The following EPDR1 variants were observed in gnomAD, a reference collection of about 807,000 sequenced individuals.
EPDR1 encodes ependymin related 1.
In EPDR1, 27 loss-of-function variants were observed where a neutral mutation model predicts 23.7. That is an observed-to-expected ratio of 1.14 (90% CI 0.84 to 1.57). The LOEUF (loss-of-function observed/expected upper bound fraction) is 1.57. EPDR1 is among the 40% of genes most tolerant of loss of function. The probability of loss-of-function intolerance (pLI) is 0.00; values close to 1 mark genes in which losing one functional copy is unlikely to be tolerated. For missense variants in EPDR1, 349 were observed against 290.4 expected, an observed-to-expected ratio of 1.20 and a Z score of -1.47; for synonymous variants, 137 against 118.2, an observed-to-expected ratio of 1.16 and a Z score of -1.03.
At chr7:37,936,044 A>ATATATATATAT (rs1554374649) in intron 1 of EPDR1, among the ~76,000 whole-genome samples, 1 of 127,624 alleles carries the variant, frequency 7.8e-6, no homozygotes, top group African/African-American at 2.9e-5. Flanking sequence ...ATATATACAC[A>ATATATATATAT]AGGGAAATGT....
intron 1 of EPDR1, among the ~76,000 whole-genome samples, chr7:37,923,415 T>C (rs527988687): frequency 6.6e-6 from 1 of 152,228 alleles, no homozygotes; most frequent in South Asian, 2.1e-4. Flanking sequence ...GAGGCCCCCA[T>C]TTTTGGCTTG....
chr7:37,945,454 A>G (rs1031143621), intron 1 of EPDR1, among the ~76,000 whole-genome samples: 9 of 152,176 alleles, frequency 5.9e-5, no homozygotes, highest in East Asian at 1.9e-4. Flanking sequence ...TTATATTTCC[A>G]TACTACCTCA....
At chr7:37,926,507 T>C (rs1785817528) in intron 1 of EPDR1, among the ~76,000 whole-genome samples, 1 of 145,828 alleles carries the variant, frequency 6.9e-6, no homozygotes, top group Admixed American at 6.9e-5. Flanking sequence ...AAGATTTAAA[T>C]GCAAGCATTA....
intron 1 of EPDR1, among the ~76,000 whole-genome samples, chr7:37,936,031 T>TAC (rs1288896009): frequency 5.3e-5 from 5 of 95,088 alleles, no homozygotes. Flanking sequence ...TATATATATA[T>TAC]ATATATATAC....
At chr7:37,948,811 C>A (rs1786334497) in intron 1 of EPDR1, 29 bp from the exon 2 acceptor site, 1 of 1,594,170 alleles carries the variant, frequency 6.3e-7, no homozygotes, top group Non-Finnish European at 8.6e-7. Flanking sequence ...CATGAAGTCC[C>A]AAACTACTTC....
At chr7:37,926,605 G>A (rs575403866) in intron 1 of EPDR1, 13 of 440,392 alleles carry the variant, frequency 3.0e-5, no homozygotes, top group Non-Finnish European at 4.6e-5. Flanking sequence ...AAGATTGCAG[G>A]CCAGTTATTT....
At chr7:37,921,307 T>C (rs1785695020) in intron 1 of EPDR1, 99 bp downstream of exon 1, 2 of 1,448,548 alleles carry the variant, frequency 1.4e-6, no homozygotes, top group Admixed American at 2.7e-5. Context: ...TTCCGGCCCC[T>C]TGCAGCTCCT....
At position 37,950,351 on chromosome 7, in the gene EPDR1, C is replaced by A; in HGVS notation, c.630C>A (p.Cys210Ter). The change falls in exon 3 of 3, where the codon TGC becomes TGA. Residue 210 changes from cysteine (C) to a stop codon, truncating the protein, a stop_gained. Transcript: ENST00000199448. LOFTEE classifies it high-confidence loss of function. ...CGGTGTTTACCCCTCCAAGCACGTG[C>A]CAGATGGCCCAACTGGAGAAGATGA... ...DPSVFTPPSTCQMAQLEKMSE... is the reference protein window; with the variant it reads ...DPSVFTPPST 1.2e-6 allele frequency: 2 copies of A among 1,613,686 alleles called. No homozygotes were observed. The highest frequency in any genetic ancestry group is 1.1e-5 in the South Asian group (1 of 90,978).
intron 1 of EPDR1, among the ~76,000 whole-genome samples, chr7:37,942,788 A>G (rs912390339): frequency 2.0e-5 from 3 of 152,200 alleles, no homozygotes; most frequent in African/African-American, 7.2e-5. Context: ...TTACTAAAAA[A>G]AAACTATTTT....
chr7:37,948,371 G>A (rs542235783), intron 1 of EPDR1, among the ~76,000 whole-genome samples: 6 of 149,780 alleles, frequency 4.0e-5, no homozygotes, highest in Non-Finnish European at 8.9e-5. Context: ...GATGGTGGAC[G>A]GGATCTCACC....
At chr7:37,932,157 T>C (rs888969392) in intron 1 of EPDR1, among the ~76,000 whole-genome samples, 11 of 133,458 alleles carry the variant, frequency 8.2e-5, no homozygotes, top group African/African-American at 2.4e-4. Context: ...CATCACTTAA[T>C]ATGTTTTTTT....
At position 37,945,922 on chromosome 7, in the gene EPDR1, G is replaced by A. The variant is rs10085566; in HGVS notation, c.270-2918G>A. Among the ~76,000 whole-genome samples the A allele has an allele frequency of 6.2e-3, 945 of 152,090 alleles. 6 individuals are homozygous for A. Among genetic ancestry groups the A allele is most frequent in the African/African-American group, 0.02 (839 of 41,496 alleles). On this transcript the variant is annotated intron_variant, in intron 1 of 2. Coordinates refer to ENST00000199448, the MANE Select transcript of EPDR1 (RefSeq NM_017549.5). ...CCCCAGTGTGTGTTGCTTCCCCGAC[G>A]CGTCCATTTGTTCTCATCATTCAGC... is the stretch of plus-strand genomic sequence containing the variant.
At chr7:37,938,792 C>A (rs1356155072) in intron 1 of EPDR1, among the ~76,000 whole-genome samples, 1 of 152,162 alleles carries the variant, frequency 6.6e-6, no homozygotes, top group Non-Finnish European at 1.5e-5. Context: ...CTCTTCTCTG[C>A]AGCTGATTGG....
At chr7:37,924,548 G>T (rs149523161) in intron 1 of EPDR1, among the ~76,000 whole-genome samples, 146 of 152,254 alleles carry the variant, frequency 9.6e-4, no homozygotes, top group African/African-American at 3.5e-3. Flanking sequence ...TGGAGTCACA[G>T]CCAACTCTTG....
intron 1 of EPDR1, among the ~76,000 whole-genome samples, chr7:37,921,828 T>C (rs1467224808): frequency 2.6e-5 from 4 of 152,212 alleles, no homozygotes; most frequent in Non-Finnish European, 5.9e-5. Flanking sequence ...AGCCATACGT[T>C]ATCTGAATCT....
chr7:37,921,716 T>G (rs1342257019), intron 1 of EPDR1, among the ~76,000 whole-genome samples: 1 of 152,198 alleles, frequency 6.6e-6, no homozygotes, highest in African/African-American at 2.4e-5. Flanking sequence ...AAAAGAAAAT[T>G]TCACCCACAA....
In EPDR1 at chr7:37,920,937, G is replaced by C; in HGVS notation, c.-3G>C. ...GCCCTCGGGCCGGGGAAGGCTGACC[G>C]CGATGCCAGGACGCGCTCCCCTCCG... On this transcript the variant is annotated 5_prime_UTR_variant, in exon 1 of 3. Coordinates refer to ENST00000199448, the MANE Select transcript of EPDR1 (RefSeq NM_017549.5). The C allele has an allele frequency of 6.2e-7, 1 of 1,607,772 alleles. No homozygotes were observed. The highest frequency in any genetic ancestry group is 1.1e-5 in the South Asian group (1 of 90,388).
intron 1 of EPDR1, among the ~76,000 whole-genome samples, chr7:37,942,193 T>C (rs1053260118): frequency 4.1e-4 from 63 of 152,226 alleles, no homozygotes; most frequent in African/African-American, 1.4e-3. Flanking sequence ...TTTTTCACAA[T>C]AGCCAAAAGT....
Position 37,950,473 on chromosome 7 carries a change from A to T in EPDR1, c.*77A>T. 7.9e-7 allele frequency: 1 copy of T among 1,264,730 alleles called. No individual in the cohort carries two copies. Among genetic ancestry groups the T allele is most frequent in the Non-Finnish European group, 1.1e-6 (1 of 921,132 alleles). 78.3% of individuals were successfully genotyped at this position (1,264,730 alleles called of 1,614,324 possible). ...GCTGGAGATGGATATGAGACTAGTC[A>T]AGATGTGAATGCTAATTGGAGAGAA... On this transcript the variant is annotated 3_prime_UTR_variant, in exon 3 of 3. Transcript: ENST00000199448.
Sources: gnomAD v4.1 joint callset for allele counts (sites outside exome capture counted in the v4.1 genomes callset) on GRCh38, gnomAD v4.1.1 for gene constraint, MANE v1.5 for transcripts, NCBI Gene and HGNC (gene_info 2026-07-23, HGNC 2026-07-21) for gene names.